Variants in CPXM2 observed in about 807,000 individuals in gnomAD.
The protein encoded by CPXM2 is carboxypeptidase X, M14 family member 2.
CPXM2 carries 66 observed loss-of-function variants against 86.1 expected under a neutral mutation model. The observed-to-expected ratio is 0.77, with a 90% confidence interval of 0.63 to 0.94. CPXM2 has a LOEUF of 0.94. Among genes scored for constraint, CPXM2 ranks in the 40% least tolerant of loss-of-function variants. CPXM2 has a pLI of 0.00. For missense variants in CPXM2, 948 were observed against 1,026.3 expected, an observed-to-expected ratio of 0.92 and a Z score of 1.04; for synonymous variants, 388 against 400.2, an observed-to-expected ratio of 0.97 and a Z score of 0.36.
Position 123,754,282 on chromosome 10 carries a change from C to G in CPXM2, c.2017+381G>C, listed in dbSNP as rs1265863680. On this transcript the variant is annotated intron_variant, in intron 13 of 13. Transcript: ENST00000241305. This position sits in a 1 kb window ranked among gnomAD's most constrained non-coding sequence, Gnocchi z 4.0. ...CTTCTCCCTCTCCGGAGCAGCCTGG[C>G]TCCCTCGCTCCCTGGCCCCTCTGCA... 1.3e-5 allele frequency among the ~76,000 whole-genome samples: 2 copies of G among 152,226 alleles called. No individual in the cohort carries two copies. Among genetic ancestry groups the G allele is most frequent in the African/African-American group, 4.8e-5 (2 of 41,454 alleles).
chr10:123,878,813 C>T (rs1222459234), intron 2 of CPXM2, among the ~76,000 whole-genome samples: 3 of 152,120 alleles, frequency 2.0e-5, no homozygotes, highest in African/African-American at 7.2e-5. Context: ...CTCAAGGCCA[C>T]GTCAGCCCTG....
At chr10:123,913,588 G>C (rs1294155245) in intron 2 of CPXM2, 1 of 169,018 alleles carries the variant, frequency 5.9e-6, no homozygotes, top group African/African-American at 2.4e-5. Flanking sequence ...ATTTAAATAA[G>C]TTTTAAATAA....
At chr10:123,911,288 G>C (rs182282412) in intron 2 of CPXM2, among the ~76,000 whole-genome samples, 1 of 152,130 alleles carries the variant, frequency 6.6e-6, no homozygotes, top group African/African-American at 2.4e-5. Context: ...CATGCACTAT[G>C]CTGGGTATGA....
At chr10:123,770,381 T>C (rs1846600218) in intron 8 of CPXM2, among the ~76,000 whole-genome samples, 1 of 152,180 alleles carries the variant, frequency 6.6e-6, no homozygotes, top group East Asian at 1.9e-4. Flanking sequence ...GCCAAATCTT[T>C]GCACCTAAAT....
rs1323379556 is a variant in CPXM2 at position 123,907,479 on chromosome 10, A to G, written n.175-27170T>C. Among the ~76,000 whole-genome samples, 5 of 152,218 alleles carry G rather than the reference A, an allele frequency of 3.3e-5. No homozygotes were observed. The South Asian group carries it at 8.3e-4, about 25-fold the overall frequency. Reference sequence around the variant, plus strand: ...GCAGCGTCCTTACCCACCCTCCCGCAGCACAGGGAGGATGTGGTCACCAGC... The same window carrying G: ...GCAGCGTCCTTACCCACCCTCCCGCGGCACAGGGAGGATGTGGTCACCAGC... On this transcript the variant is annotated intron_variant and non_coding_transcript_variant, in intron 2 of 19. Transcript: ENST00000368854.
intron 2 of CPXM2, among the ~76,000 whole-genome samples, chr10:123,904,839 C>T (rs1338661555): frequency 4.5e-5 from 2 of 44,664 alleles, no homozygotes; most frequent in East Asian, 7.1e-4. Flanking sequence ...TTATGTCAGC[C>T]CCTCCCTCAT....
At chr10:123,910,089 A>C (rs1469954769) in intron 2 of CPXM2, among the ~76,000 whole-genome samples, 1 of 152,060 alleles carries the variant, frequency 6.6e-6, no homozygotes, top group Non-Finnish European at 1.5e-5. Flanking sequence ...TGGGGCCACC[A>C]CAGACCATAA....
At chr10:123,747,123 C>G (rs555588003) in intron 13 of CPXM2, 106 bp from the exon 14 acceptor site, 61 of 1,372,410 alleles carry the variant, frequency 4.4e-5, no homozygotes, top group Non-Finnish European at 6.1e-5. Flanking sequence ...GACTCTCAGG[C>G]TGGCAACGTG....
chr10:123,855,442 C>T (rs1266293260), intron 3 of CPXM2, among the ~76,000 whole-genome samples: 1 of 152,164 alleles, frequency 6.6e-6, no homozygotes, highest in Non-Finnish European at 1.5e-5. Context: ...GTGCAGGGCC[C>T]AGCCACAGGC....
upstream of CPXM2, among the ~76,000 whole-genome samples, chr10:123,940,900 G>C (rs748836452): frequency 2.0e-5 from 3 of 152,164 alleles, no homozygotes; most frequent in Middle Eastern, 3.2e-3. Flanking sequence ...GGCCGGACAC[G>C]GTGGCTCACG....
intron 4 of CPXM2, among the ~76,000 whole-genome samples, chr10:123,820,363 T>G (rs1263580399): frequency 1.3e-5 from 2 of 152,044 alleles, no homozygotes; most frequent in African/African-American, 4.8e-5. Flanking sequence ...GAGAGTCCCA[T>G]CAGAGCTCAG....
rs960075665 is a variant in CPXM2, at chr10:123,833,522, C to G, written c.653+8827G>C. 3.3e-5 allele frequency among the ~76,000 whole-genome samples: 5 copies of G among 152,142 alleles called. No homozygotes were observed. The South Asian group carries it at 8.3e-4, about 25-fold the overall frequency. On this transcript the variant is annotated intron_variant, in intron 4 of 13. Transcript: ENST00000241305. ...GAGGTGCTCAGAGGTAAGATGAGGC[C>G]ACCCGGTAAATGAGAGAAGCTTCAG... is the stretch of plus-strand genomic sequence containing the variant.
At chr10:123,895,411 A>C (rs1945329347), upstream of CPXM2, among the ~76,000 whole-genome samples, 1 of 152,188 alleles carries the variant, frequency 6.6e-6, no homozygotes, top group Non-Finnish European at 1.5e-5. Context: ...GGCGTGAGCC[A>C]CCATGCCCGG....
In CPXM2 at chr10:123,796,397, C is replaced by A. The variant is rs117332705; in HGVS notation, c.889+1579G>T. 1.4e-3 allele frequency among the ~76,000 whole-genome samples: 215 copies of A among 152,200 alleles called. 1 individual carries two copies. The highest frequency in any genetic ancestry group is 2.3e-3 in the Non-Finnish European group (154 of 67,998). The stretch of plus-strand genomic sequence containing the variant: ...CAGATTGAAAACATGGCATTTTTTC[C>A]ACGGGCTAGGGGAGAAGCATCCCAA... On this transcript the variant is annotated intron_variant, in intron 6 of 13. Transcript: ENST00000241305.
In CPXM2 at chr10:123,771,002, G is replaced by C. The variant is rs765333969; in HGVS notation, c.1016C>G (p.Thr339Ser). The C allele has an allele frequency of 1.9e-6, 3 of 1,612,792 alleles. No homozygotes were observed. The African/African-American group carries it at 4.0e-5, about 22-fold the overall frequency. Residue 339 changes from threonine to serine, a missense_variant, in exon 8 of 14, where the codon ACC (threonine) becomes AGC (serine). Transcript: ENST00000241305. ...GCTTTTTCCAATGTTGTAAATTCTG[G>C]TGATATTGGGACACATTTCATTCAC... ...KVVNEMCPNI[T>S]RIYNIGKSHQ...
intron 2 of CPXM2, among the ~76,000 whole-genome samples, chr10:123,868,449 G>A (rs187746328): frequency 7.4e-4 from 113 of 152,238 alleles, no homozygotes; most frequent in African/African-American, 2.5e-3. Flanking sequence ...AGGCAGAGAC[G>A]GCAGAAAGGA....
intron 3 of CPXM2, among the ~76,000 whole-genome samples, chr10:123,859,386 C>G (rs1848806559): frequency 6.6e-6 from 1 of 152,268 alleles, no homozygotes; most frequent in African/African-American, 2.4e-5. Flanking sequence ...AAGACACAAA[C>G]CACAAAAGTG....
At chr10:123,861,583 GTAATCTCA>G (rs768515732) in intron 3 of CPXM2, among the ~76,000 whole-genome samples, 1 of 152,202 alleles carries the variant, frequency 6.6e-6, no homozygotes, top group Non-Finnish European at 1.5e-5. Flanking sequence ...TGGGCCCGGT[GTAATCTCA>G]AGGATCCTCA....
intron 2 of CPXM2, among the ~76,000 whole-genome samples, chr10:123,918,839 T>C (rs192555788): frequency 9.9e-5 from 15 of 151,586 alleles, no homozygotes; most frequent in African/African-American, 3.4e-4. Context: ...GTCCAAAGAG[T>C]GAGGTGGGAA....
Sources: gnomAD v4.1 joint callset for allele counts (sites outside exome capture counted in the v4.1 genomes callset) on GRCh38, gnomAD v4.1.1 for gene constraint, Gnocchi (gnomAD v3.1) non-coding constraint, MANE v1.5 for transcripts, NCBI Gene and HGNC (gene_info 2026-07-23, HGNC 2026-07-21) for gene names.